Variants in PXDNL observed in about 807,000 individuals in gnomAD.
PXDNL encodes peroxidasin like, also known as probable oxidoreductase PXDNL.
A neutral mutation model predicts 150.8 loss-of-function variants in PXDNL; 145 were observed. The observed-to-expected ratio is 0.96, with a 90% CI of 0.84 to 1.10. PXDNL has a LOEUF of 1.10. PXDNL is among the 50% of genes least tolerant of loss of function. PXDNL has a pLI of 0.00. For synonymous variants in PXDNL, 757 were observed against 725.7 expected, an observed-to-expected ratio of 1.04 and a Z score of -0.69; for missense variants, 2,087 against 1,873.9, an observed-to-expected ratio of 1.11 and a Z score of -2.10.
chr8:51,700,758 G>T (rs373310843), intron 1 of PXDNL, among the ~76,000 whole-genome samples: 1 of 148,780 alleles, frequency 6.7e-6, no homozygotes, highest in Non-Finnish European at 1.5e-5. Context: ...ATACTCATAC[G>T]CACACACATA....
In PXDNL at chr8:51,329,112, G is replaced by C. The variant is rs569357712; in HGVS notation, c.4147-8215C>G. Among the ~76,000 whole-genome samples, 12 of 152,294 alleles carry C rather than the reference G, an allele frequency of 7.9e-5. No homozygotes were observed. In the East Asian group the frequency reaches 1.2e-3, roughly 15 times the overall value. On this transcript the variant is annotated intron_variant, in intron 21 of 22. Transcript: ENST00000356297. ...GTGGAGAAAAGGCCACAGTACTGGA[G>C]CAATGCTTGTGAAAATCATAGCCTC...
chr8:51,605,883 G>C (rs1488493632), intron 2 of PXDNL, among the ~76,000 whole-genome samples: 1 of 152,134 alleles, frequency 6.6e-6, no homozygotes, highest in Non-Finnish European at 1.5e-5. Flanking sequence ...AAAATGAGCT[G>C]TCTGATTCTC....
intron 7 of PXDNL, 66 bp from the exon 8 acceptor site, chr8:51,472,370 G>A: frequency 3.3e-6 from 4 of 1,212,218 alleles, no homozygotes; most frequent in Non-Finnish European, 4.8e-6. Flanking sequence ...AAGATGCTGA[G>A]AAAGAGATAT....
rs957629733 is a variant in PXDNL at position 51,607,048 on chromosome 8, A to AT, written c.237-14351dup. 4.6e-5 allele frequency among the ~76,000 whole-genome samples: 7 copies of AT among 152,148 alleles called. No homozygotes were observed. The East Asian group carries it at 9.7e-4, about 21-fold the overall frequency. On this transcript the variant is annotated intron_variant, in intron 2 of 22. Transcript: ENST00000356297. ...GCAAAGTAAAACTTATGTGTTTGGG[A>AT]TTTTTTTTCTGATACAATAATGTAC...
At chr8:51,424,005 A>G (rs1809024654) in intron 13 of PXDNL, among the ~76,000 whole-genome samples, 2 of 152,210 alleles carry the variant, frequency 1.3e-5, no homozygotes, top group Admixed American at 6.5e-5. Flanking sequence ...TTTTAAAATT[A>G]TCACTCCAAT....
At chr8:51,525,439 C>G (rs748157421) in intron 4 of PXDNL, among the ~76,000 whole-genome samples, 6 of 152,202 alleles carry the variant, frequency 3.9e-5, no homozygotes, top group African/African-American at 9.6e-5. Context: ...GCCCCTCGGT[C>G]TGCTTCGCTC....
intron 4 of PXDNL, 46 bp downstream of exon 4, chr8:51,556,794 G>A (rs373413436): frequency 9.7e-7 from 1 of 1,026,652 alleles, no homozygotes; most frequent in South Asian, 1.3e-5. Context: ...CTGTCTATTT[G>A]AACTGTCACC....
intron 1 of PXDNL, among the ~76,000 whole-genome samples, chr8:51,703,522 G>T (rs1270231860): frequency 6.6e-6 from 1 of 151,792 alleles, no homozygotes; most frequent in Non-Finnish European, 1.5e-5. Context: ...CCTTTTATTT[G>T]CCATCTTGCA....
intron 14 of PXDNL, among the ~76,000 whole-genome samples, chr8:51,416,792 T>C (rs1268286252): frequency 7.2e-5 from 11 of 152,232 alleles, no homozygotes; most frequent in Non-Finnish European, 1.5e-4. Context: ...TTTTGAAATA[T>C]TTAAGCTCTA....
At chr8:51,642,603 C>G (rs577680987) in intron 2 of PXDNL, among the ~76,000 whole-genome samples, 1 of 152,262 alleles carries the variant, frequency 6.6e-6, no homozygotes, top group East Asian at 1.9e-4. Context: ...TGGGCAAAAA[C>G]TGGAAGCATT....
At chr8:51,353,014 T>C (rs761978201) in intron 19 of PXDNL, among the ~76,000 whole-genome samples, 50 of 152,198 alleles carry the variant, frequency 3.3e-4, no homozygotes, top group Admixed American at 8.5e-4. Flanking sequence ...TACAAAGAAG[T>C]ATACAACTAA....
At chr8:51,427,194 T>G (rs1389741183) in intron 12 of PXDNL, among the ~76,000 whole-genome samples, 1 of 152,120 alleles carries the variant, frequency 6.6e-6, no homozygotes, top group Non-Finnish European at 1.5e-5. Context: ...ACACCTAATA[T>G]GAAATAGATA....
chr8:51,643,389 C>G (rs1278212079), intron 2 of PXDNL, among the ~76,000 whole-genome samples: 1 of 152,142 alleles, frequency 6.6e-6, no homozygotes, highest in South Asian at 2.1e-4. Flanking sequence ...AATAATACCA[C>G]ACATCTACAA....
chr8:51,660,583 G>C (rs1290922029), intron 1 of PXDNL, among the ~76,000 whole-genome samples: 1 of 152,166 alleles, frequency 6.6e-6, no homozygotes, highest in Non-Finnish European at 1.5e-5. Context: ...TTCTTTCTGG[G>C]AGAAAGCCTG....
chr8:51,809,428 G>T lies in PXDNL; in HGVS notation c.-84C>A. The T allele has an allele frequency of 2.9e-6, 4 of 1,364,040 alleles. No homozygotes were observed. The highest frequency in any genetic ancestry group is 3.9e-6 in the Non-Finnish European group (4 of 1,027,534). The allele number at this position is 1,364,040 out of a possible 1,614,324, so 84.5% of individuals were successfully genotyped here. ...CTGCAGCAGCAACCGCAGTGGTGGT[G>T]ATGGTGGCTGCTGGACTGAGCCAAG... On this transcript the variant is annotated 5_prime_UTR_variant, in exon 1 of 23. Coordinates refer to ENST00000356297, the MANE Select transcript of PXDNL (RefSeq NM_144651.5).
rs1264445069 is a variant in PXDNL at position 51,409,208 on chromosome 8, A to G, written c.2416T>C (p.Trp806Arg). 7 of 1,581,718 alleles carry G rather than the reference A, an allele frequency of 4.4e-6. No individual in the cohort carries two copies. The highest frequency in any genetic ancestry group is 6.0e-6 in the Non-Finnish European group (7 of 1,169,104). The change falls in exon 17 of 23, where the codon TGG becomes CGG. Residue 806 changes from tryptophan (W) to arginine (R), a missense_variant. By Grantham distance (101) the Trp-to-Arg change is moderately radical (BLOSUM62 -3). Transcript: ENST00000356297. The stretch of plus-strand genomic sequence containing the variant: ...AAGTCGTGCTCTAGAAACCAGCCCC[A>G]GTGCATGAGCATGCGCGTGTAGCTG... The part of the protein sequence containing the change: ...DHSYTRMLMH[W>R]GWFLEHDLDH...
intron 17 of PXDNL, among the ~76,000 whole-genome samples, chr8:51,386,070 T>C (rs1807699069): frequency 6.6e-6 from 1 of 152,044 alleles, no homozygotes; most frequent in African/African-American, 2.4e-5. Context: ...ATTCAAGACA[T>C]TTAACAGAAA....
At chr8:51,688,109 C>T (rs368591799) in intron 1 of PXDNL, among the ~76,000 whole-genome samples, 6 of 152,210 alleles carry the variant, frequency 3.9e-5, no homozygotes, top group Middle Eastern at 6.8e-3. Flanking sequence ...AAGAAAAAAT[C>T]GTGATCAGTA....
chr8:51,562,138 T>A (rs1303175657), intron 3 of PXDNL, among the ~76,000 whole-genome samples: 3 of 151,568 alleles, frequency 2.0e-5, no homozygotes, highest in African/African-American at 4.8e-5. Context: ...TATATCCCTT[T>A]ATAAAATATA....
Sources: allele counts gnomAD v4.1 joint callset (sites outside exome capture counted in the v4.1 genomes callset), GRCh38; gene constraint gnomAD v4.1.1; transcripts MANE v1.5; gene names NCBI Gene and HGNC (gene_info 2026-07-23, HGNC 2026-07-21).